Variants in PEPD observed in about 807,000 individuals in gnomAD.
PEPD encodes peptidase D, also known as xaa-Pro dipeptidase.
Under a neutral mutation model 60.7 loss-of-function variants are expected in PEPD, and 53 were observed. The ratio of observed to expected loss-of-function variants is 0.87; its 90% confidence interval spans 0.70 to 1.10. The LOEUF (loss-of-function observed/expected upper bound fraction) is 1.10, where lower values mean the gene tolerates loss of function less well. Ranked by LOEUF, PEPD falls within the 50% of genes least tolerant of loss-of-function variation. PEPD has a pLI of 0.00. For missense variants in PEPD, 711 were observed against 711.9 expected (o/e 1.00, Z 0.01); for synonymous variants, 267 against 284.1 (o/e 0.94, Z 0.60).
chr19:33,444,694 C>G (rs1263509996), intron 9 of PEPD, among the ~76,000 whole-genome samples: 1 of 151,696 alleles, frequency 6.6e-6, no homozygotes. Flanking sequence ...CCACTCACCC[C>G]CCAAAGCCAA....
intron 6 of PEPD, among the ~76,000 whole-genome samples, chr19:33,481,110 C>T (rs926728283): frequency 1.3e-5 from 2 of 151,864 alleles, no homozygotes; most frequent in South Asian, 2.1e-4. Flanking sequence ...CAATGGATCA[C>T]GTATCAAACC....
At chr19:33,457,701 G>A (rs112843925) in intron 9 of PEPD, among the ~76,000 whole-genome samples, 1,833 of 152,290 alleles carry the variant, frequency 0.012, 40 homozygotes, top group African/African-American at 0.041. Flanking sequence ...TAGTAGAGAC[G>A]CGGTTTCACC....
At chr19:33,399,866 C>T (rs939595301) in intron 12 of PEPD, among the ~76,000 whole-genome samples, 7 of 152,314 alleles carry the variant, frequency 4.6e-5, no homozygotes, top group Middle Eastern at 6.8e-3. Flanking sequence ...CTAGATGCCA[C>T]GGTCCAGAGC....
chr19:33,399,999 C>A (rs112078704), intron 12 of PEPD, among the ~76,000 whole-genome samples: 64 of 152,130 alleles, frequency 4.2e-4, no homozygotes, highest in African/African-American at 1.4e-3. Context: ...GCTCGGGGCA[C>A]TCTGGGTCTG....
chr19:33,518,318 C>T (rs1568515685), intron 1 of PEPD, among the ~76,000 whole-genome samples: 1 of 152,172 alleles, frequency 6.6e-6, no homozygotes, highest in East Asian at 1.9e-4. Flanking sequence ...CAGCCTGCCT[C>T]CCATAGGCCC....
At chr19:33,449,370 G>C (rs1475106814) in intron 9 of PEPD, among the ~76,000 whole-genome samples, 2 of 152,210 alleles carry the variant, frequency 1.3e-5, no homozygotes, top group African/African-American at 2.4e-5. Flanking sequence ...TGTGCAGAAA[G>C]AGCCAGAGAG....
At position 33,420,702 on chromosome 19, in the gene PEPD, A is replaced by AAAATAAATAAATAAAT. The variant is rs61576295; in HGVS notation, c.672-7075_672-7060dup. ...GGGCGACAAAGCCAGACTCTGTCTC[A>AAAATAAATAAATAAAT]AAATAAATAAATAAATAAATAAATA... On this transcript the variant is annotated intron_variant, in intron 9 of 14. Transcript: ENST00000244137. Among the ~76,000 whole-genome samples, 520 of 149,304 alleles carry AAAATAAATAAATAAAT rather than the reference A, an allele frequency of 3.5e-3. 1 individual carries two copies. Among genetic ancestry groups the AAAATAAATAAATAAAT allele is most frequent in the African/African-American group, 5.3e-3 (214 of 40,624 alleles).
intron 9 of PEPD, among the ~76,000 whole-genome samples, chr19:33,426,007 A>G (rs996137467): frequency 1.3e-5 from 2 of 152,166 alleles, no homozygotes; most frequent in African/African-American, 4.8e-5. Context: ...ATTTGTAGAG[A>G]CAGCATCTTG....
intron 9 of PEPD, among the ~76,000 whole-genome samples, chr19:33,448,124 C>T (rs867551482): frequency 7.2e-5 from 11 of 152,188 alleles, no homozygotes; most frequent in Non-Finnish European, 2.9e-5. Context: ...ACTCACGGCC[C>T]GGAATAATTA....
chr19:33,393,387 C>T (rs1348215036), intron 12 of PEPD, among the ~76,000 whole-genome samples: 1 of 152,076 alleles, frequency 6.6e-6, no homozygotes, highest in Non-Finnish European at 1.5e-5. Context: ...TGGGCACACA[C>T]ACCCCTGGCT....
chr19:33,415,828 C>T (rs1246236674), intron 9 of PEPD, among the ~76,000 whole-genome samples: 1 of 152,214 alleles, frequency 6.6e-6, no homozygotes, highest in Non-Finnish European at 1.5e-5. Flanking sequence ...AGGAGCACCA[C>T]GTGCTGGATA....
chr19:33,419,067 A>G (rs953751513), intron 9 of PEPD, among the ~76,000 whole-genome samples: 1 of 152,040 alleles, frequency 6.6e-6, no homozygotes, highest in Admixed American at 6.5e-5. Context: ...CCGCTCCTAC[A>G]CCAGTCCTGG....
intron 13 of PEPD, among the ~76,000 whole-genome samples, chr19:33,389,662 C>T (rs906711050): frequency 2.0e-5 from 3 of 152,252 alleles, no homozygotes; most frequent in African/African-American, 7.2e-5. Context: ...GGGCCCACCC[C>T]GGCTGCTCCA....
intron 12 of PEPD, among the ~76,000 whole-genome samples, chr19:33,392,825 C>T (rs903750187): frequency 1.3e-5 from 2 of 152,102 alleles, no homozygotes; most frequent in African/African-American, 2.4e-5. Context: ...ATGATGGGCT[C>T]GGCTGGCGAA....
At chr19:33,387,696 G>A (rs1477052842) in intron 14 of PEPD, 194 bp downstream of exon 14, 4 of 760,662 alleles carry the variant, frequency 5.3e-6, no homozygotes, top group Non-Finnish European at 8.9e-6. Flanking sequence ...GAGCGGGCAG[G>A]GGTTTTGCAG....
intron 1 of PEPD, among the ~76,000 whole-genome samples, chr19:33,517,292 G>A (rs2145363267): frequency 6.6e-6 from 1 of 152,292 alleles, no homozygotes; most frequent in East Asian, 1.9e-4. Flanking sequence ...AGGTGTGGTG[G>A]CTCATGCCTA....
At chr19:33,405,505 G>A (rs1968599997) in intron 11 of PEPD, among the ~76,000 whole-genome samples, 1 of 152,242 alleles carries the variant, frequency 6.6e-6, no homozygotes, top group African/African-American at 2.4e-5. Context: ...CAGGCTGGGG[G>A]ATTGCTGAGC....
At chr19:33,466,792 A>G (rs1216849184) in intron 7 of PEPD, among the ~76,000 whole-genome samples, 1 of 151,704 alleles carries the variant, frequency 6.6e-6, no homozygotes, top group Non-Finnish European at 1.5e-5. Context: ...TTTTTCTAAT[A>G]AAAAAACCAT....
intron 9 of PEPD, among the ~76,000 whole-genome samples, chr19:33,432,647 C>G (rs1419950418): frequency 6.6e-6 from 1 of 152,270 alleles, no homozygotes; most frequent in African/African-American, 2.4e-5. Flanking sequence ...GGAAACGAGC[C>G]TGCTGCCATG....
Sources: gnomAD v4.1 joint callset for allele counts (sites outside exome capture counted in the v4.1 genomes callset) on GRCh38, gnomAD v4.1.1 for gene constraint, MANE v1.5 for transcripts, NCBI Gene and HGNC (gene_info 2026-07-23, HGNC 2026-07-21) for gene names.